Variants in CUX1 observed in about 807,000 individuals in gnomAD.
CUX1 encodes protein CASP.
CUX1 carries 31 observed loss-of-function variants against 158.8 expected under a neutral mutation model. That is an observed-to-expected ratio of 0.20 (90% CI 0.15 to 0.26). The LOEUF is 0.26. Among genes scored for constraint, CUX1 ranks in the 10% least tolerant of loss-of-function variants. CUX1 has a pLI of 1.00. For missense variants in CUX1, 1,589 were observed against 2,014.6 expected (o/e 0.79, Z 4.04); for synonymous variants, 879 against 862.1 (o/e 1.02, Z -0.34).
intron 22 of CUX1, among the ~76,000 whole-genome samples, chr7:102,237,840 C>A (rs1462043687): frequency 6.6e-6 from 1 of 152,194 alleles, no homozygotes; most frequent in Non-Finnish European, 1.5e-5. Context: ...GACAAAGGGG[C>A]AGGATAAGGA....
At chr7:102,009,961 A>T (rs917852377) in intron 2 of CUX1, among the ~76,000 whole-genome samples, 6 of 152,196 alleles carry the variant, frequency 3.9e-5, no homozygotes, top group Non-Finnish European at 8.8e-5. Context: ...ACCTATAAAG[A>T]CAGCCTCTCC....
At chr7:102,071,471 G>GGA (rs1402067997) in intron 4 of CUX1, among the ~76,000 whole-genome samples, 1 of 152,212 alleles carries the variant, frequency 6.6e-6, no homozygotes, top group East Asian at 1.9e-4. Flanking sequence ...GCTCAGCCCT[G>GGA]GAGAGATGCT....
intron 1 of CUX1, among the ~76,000 whole-genome samples, chr7:101,889,498 C>T (rs1800624083): frequency 6.6e-6 from 1 of 152,142 alleles, no homozygotes; most frequent in Admixed American, 6.5e-5. Context: ...GGGCCGGGTG[C>T]AGTGGTTCAC....
chr7:102,032,275 G>T (rs1214221860), intron 3 of CUX1, among the ~76,000 whole-genome samples: 1 of 152,062 alleles, frequency 6.6e-6, no homozygotes, highest in African/African-American at 2.4e-5. Flanking sequence ...TCATTATGAT[G>T]TGTTCCTATT....
intron 1 of CUX1, among the ~76,000 whole-genome samples, chr7:101,913,615 G>GA (rs1803773163): frequency 6.6e-6 from 1 of 152,176 alleles, no homozygotes. Context: ...CACTAGATGA[G>GA]AAGTTGGGGG....
At chr7:102,004,862 A>G (rs1160607152) in intron 2 of CUX1, among the ~76,000 whole-genome samples, 1 of 152,252 alleles carries the variant, frequency 6.6e-6, no homozygotes, top group African/African-American at 2.4e-5. Flanking sequence ...CTGGTGCTAC[A>G]TATGTTAGTC....
chr7:102,158,616 C>T lies in CUX1; in HGVS notation c.723+8C>T, dbSNP rs781912811. The stretch of plus-strand genomic sequence containing the variant: ...CTTGAAAGGGCAAACCAGGTAGGAC[C>T]CTGGACGCTTTTAGTCCTAAAACCC... On this transcript the variant is annotated splice_region_variant and intron_variant, in intron 9 of 23. Coordinates refer to ENST00000292535, the MANE Select transcript of CUX1 (RefSeq NM_181552.4). 1.9e-6 allele frequency: 3 copies of T among 1,613,802 alleles called. No individual in the cohort carries two copies. Among genetic ancestry groups the T allele is most frequent in the East Asian group, 2.2e-5 (1 of 44,890 alleles).
intron 1 of CUX1, among the ~76,000 whole-genome samples, chr7:101,851,391 T>C (rs1020037836): frequency 6.6e-6 from 1 of 152,068 alleles, no homozygotes; most frequent in Non-Finnish European, 1.5e-5. Flanking sequence ...TCTCGGGGGC[T>C]TCCTCCCATC....
At chr7:102,265,622 A>T (rs542459692) in intron 14 of CUX1, among the ~76,000 whole-genome samples, 9 of 151,904 alleles carry the variant, frequency 5.9e-5, no homozygotes, top group Admixed American at 2.0e-4. Context: ...TTTTGTAGCG[A>T]CAGTCTGGCT....
chr7:101,891,831 T>G (rs1435184638), intron 1 of CUX1, among the ~76,000 whole-genome samples: 1 of 152,224 alleles, frequency 6.6e-6, no homozygotes, highest in African/African-American at 2.4e-5. Context: ...AAATTGTTAT[T>G]TTTAAAAACC....
At chr7:102,021,614 C>CTTTTTTTTT (rs67147187) in intron 2 of CUX1, among the ~76,000 whole-genome samples, 10 of 109,354 alleles carry the variant, frequency 9.1e-5, no homozygotes, top group Admixed American at 9.2e-5. Context: ...TTTTTTTTCT[C>CTTTTTTTTT]TTTTTTTTTT....
intron 2 of CUX1, among the ~76,000 whole-genome samples, chr7:101,969,109 C>G (rs905452995): frequency 6.6e-6 from 1 of 151,588 alleles, no homozygotes. Flanking sequence ...AGGAGGATCA[C>G]TTGAGGCCAG....
chr7:101,935,186 CTCCTGGCTCA>C (rs1227985171), intron 2 of CUX1, among the ~76,000 whole-genome samples: 2 of 152,188 alleles, frequency 1.3e-5, no homozygotes, highest in African/African-American at 2.4e-5. Context: ...GAAATTCCTT[CTCCTGGCTCA>C]TCCTGGCTCA....
intron 14 of CUX1, among the ~76,000 whole-genome samples, chr7:102,269,021 C>A (rs1453631265): frequency 1.3e-5 from 2 of 151,910 alleles, no homozygotes; most frequent in African/African-American, 4.8e-5. Flanking sequence ...ACTGCAACCT[C>A]TGCCTCCTGG....
chr7:102,178,415 C>T (rs1792631720), intron 10 of CUX1, 54 bp from the exon 11 acceptor site: 7 of 1,510,432 alleles, frequency 4.6e-6, no homozygotes, highest in South Asian at 2.5e-5. Flanking sequence ...CAGGTAGCCT[C>T]GAGCACCCGC....
intron 8 of CUX1, among the ~76,000 whole-genome samples, chr7:102,118,569 G>T (rs141389020): frequency 6.6e-6 from 1 of 152,236 alleles, no homozygotes; most frequent in African/African-American, 2.4e-5. Context: ...TTTGTTGACG[G>T]GAATTGGAGA....
intron 1 of CUX1, among the ~76,000 whole-genome samples, chr7:101,855,120 T>TC (rs2131303155): frequency 6.6e-6 from 1 of 152,348 alleles, no homozygotes; most frequent in Non-Finnish European, 1.5e-5. Context: ...CTTAAAAATT[T>TC]CCCCAGTGCC....
intron 1 of CUX1, among the ~76,000 whole-genome samples, chr7:101,899,269 C>G (rs1801887275): frequency 6.6e-6 from 1 of 152,214 alleles, no homozygotes; most frequent in Non-Finnish European, 1.5e-5. Context: ...TCACAGGAGG[C>G]TGGGCGCAGT....
chr7:101,831,205 T>C (rs537928184), intron 1 of CUX1, among the ~76,000 whole-genome samples: 78 of 152,276 alleles, frequency 5.1e-4, no homozygotes, highest in African/African-American at 1.8e-3. Context: ...TGAGCATTTA[T>C]TGAGTGTCTC....
Sources: allele counts gnomAD v4.1 joint callset (sites outside exome capture counted in the v4.1 genomes callset), GRCh38; gene constraint gnomAD v4.1.1; transcripts MANE v1.5; gene names NCBI Gene and HGNC (gene_info 2026-07-23, HGNC 2026-07-21).